Variants in MAP4K4 observed in about 807,000 individuals in gnomAD.
MAP4K4 encodes HPK/GCK-like kinase HGK.
Under a neutral mutation model 189.6 loss-of-function variants are expected in MAP4K4, and 38 were observed. That is an observed-to-expected ratio of 0.20 (90% CI 0.15 to 0.26). The LOEUF is 0.26. Ranked by LOEUF, MAP4K4 falls within the 10% of genes least tolerant of loss-of-function variation. The pLI, the probability that MAP4K4 is intolerant of heterozygous loss-of-function variation, is 1.00. For synonymous variants in MAP4K4, 610 were observed against 624.3 expected (o/e 0.98, Z 0.34); for missense variants, 1,054 against 1,726.9 (o/e 0.61, Z 6.91).
At chr2:101,844,040 G>T in intron 11 of MAP4K4, 61 bp from the exon 12 acceptor site, 1 of 1,147,392 alleles carries the variant, frequency 8.7e-7, no homozygotes, top group South Asian at 1.3e-5. Flanking sequence ...TGGTGCTATT[G>T]ACTCACTTAT....
intron 30 of MAP4K4, 135 bp from the exon 31 acceptor site, chr2:101,887,643 A>G: frequency 4.7e-6 from 3 of 639,774 alleles, no homozygotes; most frequent in Non-Finnish European, 5.2e-6. Flanking sequence ...GACTATTCTA[A>G]AATGTTAATC....
chr2:101,873,082 T>G (rs890160564), intron 24 of MAP4K4, among the ~76,000 whole-genome samples: 3 of 152,234 alleles, frequency 2.0e-5, no homozygotes, highest in Non-Finnish European at 4.4e-5. Flanking sequence ...AAGATACGCC[T>G]TCTTTTGTCA....
exon 33 of MAP4K4, chr2:101,893,265 CT>C: frequency 2.2e-6 from 1 of 456,282 alleles, no homozygotes; most frequent in Middle Eastern, 3.3e-4. Flanking sequence ...TAAAGACAAG[CT>C]GAGAAGCTTA....
chr2:101,779,126 AGAAT>A (rs1164256029), intron 2 of MAP4K4, among the ~76,000 whole-genome samples: 1 of 152,186 alleles, frequency 6.6e-6, no homozygotes, highest in Non-Finnish European at 1.5e-5. Context: ...ATTTGTTGAG[AGAAT>A]GAACACACAG....
chr2:101,882,464 T>TG, intron 27 of MAP4K4, 87 bp from the exon 28 acceptor site: 2 of 1,072,424 alleles, frequency 1.9e-6, no homozygotes, highest in African/African-American at 1.6e-5. Context: ...TGGCCTTAAG[T>TG]GATTGATTTC....
chr2:101,704,062 A>G (rs2040578663), intron 2 of MAP4K4, among the ~76,000 whole-genome samples: 2 of 152,270 alleles, frequency 1.3e-5, no homozygotes, highest in South Asian at 4.1e-4. Context: ...CAAGTACTTA[A>G]ACTTTTGTGA....
At chr2:101,743,102 C>T (rs1024684827) in intron 2 of MAP4K4, among the ~76,000 whole-genome samples, 8 of 151,984 alleles carry the variant, frequency 5.3e-5, no homozygotes, top group Non-Finnish European at 1.0e-4. Context: ...CTCAGTTTTC[C>T]CCATGAAAGA....
Position 101,859,184 on chromosome 2 carries a change from G to T in MAP4K4, c.1482+102G>T, listed in dbSNP as rs79423880. ...GTCACCAGACCATTTTGGTTTTGCTGTGGGCAGCCAGGCTGAAATAGTGAT... is the reference window on the plus strand; with the variant it reads ...GTCACCAGACCATTTTGGTTTTGCTTTGGGCAGCCAGGCTGAAATAGTGAT... On this transcript the variant is annotated intron_variant, in intron 14 of 32. Transcript: ENST00000324219. 2.7e-3 allele frequency: 2,666 copies of T among 997,108 alleles called. 59 individuals carry two copies. The African/African-American group carries it at 0.038, about 14-fold the overall frequency. 61.8% of individuals were successfully genotyped at this position (997,108 alleles called of 1,614,324 possible).
intron 12 of MAP4K4, among the ~76,000 whole-genome samples, chr2:101,845,891 G>A (rs1337936703): frequency 6.6e-6 from 1 of 152,056 alleles, no homozygotes; most frequent in African/African-American, 2.4e-5. Context: ...GCCCTGTATT[G>A]ATATTATCCA....
intron 32 of MAP4K4, among the ~76,000 whole-genome samples, chr2:101,889,514 C>A (rs781167584): frequency 1.3e-5 from 2 of 152,152 alleles, no homozygotes; most frequent in Non-Finnish European, 2.9e-5. Flanking sequence ...TCCTGTGGCA[C>A]CTTCCTCCCA....
At chr2:101,738,715 CTT>C (rs779050702) in intron 2 of MAP4K4, among the ~76,000 whole-genome samples, 15 of 151,982 alleles carry the variant, frequency 9.9e-5, no homozygotes, top group Non-Finnish European at 1.9e-4. Context: ...GATGACCACT[CTT>C]TTCTTTTCTT....
intron 3 of MAP4K4, among the ~76,000 whole-genome samples, chr2:101,816,697 G>A (rs756239149): frequency 2.6e-4 from 40 of 152,328 alleles, no homozygotes; most frequent in Middle Eastern, 3.4e-3. Context: ...AAGAAGTTGA[G>A]GGTCTGGATT....
At chr2:101,740,523 C>CT (rs2062266373) in intron 2 of MAP4K4, among the ~76,000 whole-genome samples, 5 of 152,126 alleles carry the variant, frequency 3.3e-5, no homozygotes, top group Admixed American at 2.0e-4. Context: ...TATTGTGCCT[C>CT]TAATTTATTA....
intron 2 of MAP4K4, among the ~76,000 whole-genome samples, chr2:101,724,523 T>C (rs778307241): frequency 1.3e-5 from 2 of 152,194 alleles, no homozygotes; most frequent in East Asian, 1.9e-4. Context: ...TTGGGATTTA[T>C]TGGGCTCCTG....
At chr2:101,882,461 A>T in intron 27 of MAP4K4, 90 bp from the exon 28 acceptor site, 2 of 1,042,408 alleles carry the variant, frequency 1.9e-6, no homozygotes, top group Non-Finnish European at 1.3e-6. Context: ...TGCTGGCCTT[A>T]AGTGATTGAT....
Position 101,829,409 on chromosome 2 carries a change from T to C in MAP4K4, c.418-95T>C, listed in dbSNP as rs1348349876. Reference sequence around the variant, plus strand: ...ATGTTCATGAGCTCACAAACACCTTTGGTCCACATGTGCACTTTCTTATAA... The same window carrying C: ...ATGTTCATGAGCTCACAAACACCTTCGGTCCACATGTGCACTTTCTTATAA... On this transcript the variant is annotated intron_variant, in intron 5 of 32. Coordinates refer to ENST00000324219, the Ensembl canonical transcript of MAP4K4. 3 of 754,652 alleles carry C rather than the reference T, an allele frequency of 4.0e-6. No individual in the cohort carries two copies. The East Asian group carries it at 8.2e-5, about 21-fold the overall frequency. 46.7% of individuals were successfully genotyped at this position (754,652 alleles called of 1,614,324 possible).
At chr2:101,702,885 C>T (rs1211002877) in intron 2 of MAP4K4, among the ~76,000 whole-genome samples, 1 of 152,134 alleles carries the variant, frequency 6.6e-6, no homozygotes, top group Non-Finnish European at 1.5e-5. Context: ...GCCCATTTGA[C>T]ACTGTGCTCA....
chr2:101,848,692 G>A (rs1167585151), intron 12 of MAP4K4, among the ~76,000 whole-genome samples: 2 of 152,004 alleles, frequency 1.3e-5, no homozygotes, highest in African/African-American at 4.8e-5. Context: ...GCCCTTCATA[G>A]GTCCTTCATC....
intron 2 of MAP4K4, among the ~76,000 whole-genome samples, chr2:101,730,094 C>T (rs1031131669): frequency 2.0e-5 from 3 of 152,204 alleles, no homozygotes; most frequent in Middle Eastern, 3.4e-3. Flanking sequence ...GGACCTAGGA[C>T]GGGGGAAAGT....
Sources: allele counts gnomAD v4.1 joint callset (sites outside exome capture counted in the v4.1 genomes callset), GRCh38; gene constraint gnomAD v4.1.1; transcripts MANE v1.5; gene names NCBI Gene and HGNC (gene_info 2026-07-23, HGNC 2026-07-21).